Variants in UTP18 observed in about 807,000 individuals in gnomAD.
The protein encoded by UTP18 is U3 small nucleolar RNA-associated protein 18 homolog.
In UTP18, 36 loss-of-function variants were observed where a neutral mutation model predicts 61.1. The observed-to-expected ratio is 0.59, with a 90% CI of 0.45 to 0.78. UTP18 has a LOEUF of 0.78. Ranked by LOEUF, UTP18 falls within the 30% of genes least tolerant of loss-of-function variation. The pLI is 0.00. For missense variants in UTP18, 753 were observed against 693.9 expected (o/e 1.09, Z -0.96); for synonymous variants, 282 against 251.1 (o/e 1.12, Z -1.16).
intron 11 of UTP18, chr17:51,288,538 C>T (rs1905169829): frequency 2.2e-6 from 1 of 461,472 alleles, no homozygotes; most frequent in Admixed American, 2.3e-5. Flanking sequence ...TCCTCATTTA[C>T]CTTTTTAAGG....
At chr17:51,278,313 G>GAGACATCCC (rs1410051749) in intron 7 of UTP18, among the ~76,000 whole-genome samples, 1 of 152,188 alleles carries the variant, frequency 6.6e-6, no homozygotes, top group Non-Finnish European at 1.5e-5. Context: ...TGGTGATACT[G>GAGACATCCC]TGTGGTCCAT....
chr17:51,280,864 C>CT (rs1904891381), intron 9 of UTP18, among the ~76,000 whole-genome samples: 1 of 151,204 alleles, frequency 6.6e-6, no homozygotes, highest in Non-Finnish European at 1.5e-5. Context: ...GAGCAAGACT[C>CT]TGTCTCAAAA....
rs988916866 is a variant in UTP18 at position 51,276,135 on chromosome 17, A to C, written c.837+144A>C. 5 of 799,884 alleles carry C rather than the reference A, an allele frequency of 6.3e-6. No individual in the cohort carries two copies. In the African/African-American group the frequency reaches 9.2e-5, roughly 15 times the overall value. The allele number at this position is 799,884 out of a possible 1,614,324, so 49.5% of individuals were successfully genotyped here. Reference sequence around the variant, plus strand: ...CCGAAGCATAGCTAAGTCTCACAGAAGTGACAGAGTTCATTTACTTGGAAA... The same window carrying C: ...CCGAAGCATAGCTAAGTCTCACAGACGTGACAGAGTTCATTTACTTGGAAA... On this transcript the variant is annotated intron_variant, in intron 6 of 13. Transcript: ENST00000225298.
intron 5 of UTP18, among the ~76,000 whole-genome samples, chr17:51,273,751 A>AAATAAATAAATAAATG (rs1904619222): frequency 6.6e-6 from 1 of 150,902 alleles, no homozygotes; most frequent in Non-Finnish European, 1.5e-5. Context: ...ATAAATAAAT[A>AAATAAATAAATAAATG]AATAAATAAA....
At chr17:51,272,131 T>C (rs1904550392) in intron 4 of UTP18, among the ~76,000 whole-genome samples, 1 of 149,548 alleles carries the variant, frequency 6.7e-6, no homozygotes, top group African/African-American at 2.5e-5. Flanking sequence ...CAGAGTCTTA[T>C]TCTGTTGCCC....
chr17:51,289,654 T>C (rs1311143177), intron 11 of UTP18, among the ~76,000 whole-genome samples: 1 of 152,194 alleles, frequency 6.6e-6, no homozygotes, highest in Admixed American at 6.5e-5. Flanking sequence ...AATTTTTTGC[T>C]CAAGGCACCA....
chr17:51,297,769 G>A lies in UTP18; in HGVS notation c.*15-13G>A, dbSNP rs919449089. 1 of 431,982 alleles carries A rather than the reference G, an allele frequency of 2.3e-6. No homozygotes were observed. The highest frequency in any genetic ancestry group is 4.6e-6 in the Non-Finnish European group (1 of 218,794). The allele number at this position is 431,982 out of a possible 1,614,324, so 26.8% of individuals were successfully genotyped here. On this transcript the variant is annotated splice_polypyrimidine_tract_variant and intron_variant, in intron 13 of 13. Transcript: ENST00000225298. ...ATAAATCAGGTATGTAATTTCTTTT[G>A]TTCTTTCCTCAGGTCCAGTTGAGTC...
chr17:51,262,235 C>T (rs1042871536), intron 1 of UTP18, among the ~76,000 whole-genome samples: 2 of 152,020 alleles, frequency 1.3e-5, no homozygotes, highest in Admixed American at 1.3e-4. Context: ...GCGTGCGCCA[C>T]CACGCCTGGC....
chr17:51,286,977 T>TA (rs1905134895), intron 10 of UTP18, among the ~76,000 whole-genome samples: 3 of 80,146 alleles, frequency 3.7e-5, no homozygotes, highest in Non-Finnish European at 7.1e-5. Context: ...TCCCTCCCCC[T>TA]TCCCCCCCCG....
chr17:51,264,705 G>A (rs973821678), intron 2 of UTP18, among the ~76,000 whole-genome samples: 1 of 93,044 alleles, frequency 1.1e-5, no homozygotes, highest in Non-Finnish European at 2.2e-5. Flanking sequence ...TTTTTTTTTT[G>A]AGACTCTCAT....
At chr17:51,268,012 T>G (rs1439048603) in intron 3 of UTP18, among the ~76,000 whole-genome samples, 5 of 147,734 alleles carry the variant, frequency 3.4e-5, no homozygotes, top group East Asian at 1.9e-4. Flanking sequence ...TTTTTGTTTT[T>G]TGTTTTTTTT....
intron 2 of UTP18, among the ~76,000 whole-genome samples, chr17:51,265,248 A>C (rs564946788): frequency 6.6e-6 from 1 of 151,050 alleles, no homozygotes; most frequent in Non-Finnish European, 1.5e-5. Context: ...TTTACTTCAT[A>C]GTATTTTAAG....
intron 1 of UTP18, among the ~76,000 whole-genome samples, chr17:51,262,227 G>A (rs1313407348): frequency 1.3e-5 from 2 of 151,714 alleles, no homozygotes; most frequent in Non-Finnish European, 2.9e-5. Flanking sequence ...CATTACAGGC[G>A]TGCGCCACCA....
intron 9 of UTP18, among the ~76,000 whole-genome samples, chr17:51,284,212 T>G (rs560862520): frequency 6.6e-6 from 1 of 152,260 alleles, no homozygotes; most frequent in Admixed American, 6.5e-5. Context: ...TGAATTCTCA[T>G]TGGGAGAATA....
intron 1 of UTP18, among the ~76,000 whole-genome samples, chr17:51,262,899 A>G (rs2055521614): frequency 6.6e-6 from 1 of 152,296 alleles, no homozygotes; most frequent in East Asian, 1.9e-4. Context: ...ACAGATTGGG[A>G]AAATGGAGAT....
At chr17:51,289,955 T>C (rs977109392) in intron 11 of UTP18, among the ~76,000 whole-genome samples, 2 of 151,992 alleles carry the variant, frequency 1.3e-5, no homozygotes, top group Non-Finnish European at 2.9e-5. Flanking sequence ...TTTCTAGCAG[T>C]TCATTGGTTT....
At chr17:51,261,481 A>G (rs2055480341) in intron 1 of UTP18, among the ~76,000 whole-genome samples, 1 of 152,166 alleles carries the variant, frequency 6.6e-6, no homozygotes, top group South Asian at 2.1e-4. Flanking sequence ...GATTGATCAT[A>G]CTTTTTGCAC....
chr17:51,291,343 T>G (rs189789525), intron 11 of UTP18, among the ~76,000 whole-genome samples: 98 of 152,324 alleles, frequency 6.4e-4, no homozygotes, highest in African/African-American at 2.3e-3. Context: ...ATTGAGAGAT[T>G]ACACTGGGGA....
chr17:51,275,978 T>C lies in UTP18; in HGVS notation c.824T>C (p.Val275Ala). ...IVMVAGLDNA[V>A]SLFQVDGKTN... ...ATGGTTGCTGGATTAGATAATGCTG[T>C]ATCACTATTTCAGGTATGCATCTTT... The change falls in exon 6 of 14, where the codon GTA (valine) becomes GCA (alanine). Residue 275 changes from valine (V) to alanine (A), a missense_variant. Val to Ala is a moderately conservative substitution (Grantham distance 64). Transcript: ENST00000225298. 1 of 1,608,902 alleles carries C rather than the reference T, an allele frequency of 6.2e-7. No homozygotes were observed. The highest frequency in any genetic ancestry group is 8.5e-7 in the Non-Finnish European group (1 of 1,178,216).
Sources: gnomAD v4.1 joint callset for allele counts (sites outside exome capture counted in the v4.1 genomes callset) on GRCh38, gnomAD v4.1.1 for gene constraint, MANE v1.5 for transcripts, NCBI Gene and HGNC (gene_info 2026-07-23, HGNC 2026-07-21) for gene names.